The following AKAP13 variants were observed in gnomAD, a reference collection of about 807,000 sequenced individuals.
The protein encoded by AKAP13 is A-kinase anchoring protein 13, also known as A-kinase anchor protein 13.
A neutral mutation model predicts 264.5 loss-of-function variants in AKAP13; 80 were observed. The ratio of observed to expected loss-of-function variants is 0.30; its 90% confidence interval spans 0.25 to 0.36. The LOEUF (loss-of-function observed/expected upper bound fraction) is 0.36. AKAP13 is among the 10% of genes least tolerant of loss of function. AKAP13 has a pLI of 1.00. For synonymous variants in AKAP13, 1,380 were observed against 1,250.2 expected, an observed-to-expected ratio of 1.10 and a Z score of -2.19; for missense variants, 3,712 against 3,435.2, an observed-to-expected ratio of 1.08 and a Z score of -2.01.
rs1424706662 is a variant in AKAP13 at position 85,726,419 on chromosome 15, C to G, written c.6755C>G (p.Ala2252Gly). Residue 2252 changes from alanine to glycine, a missense_variant, in exon 27 of 37, where the codon GCA becomes GGA. By Grantham distance (60) the Ala-to-Gly change is moderately conservative. Transcript: ENST00000394518. The stretch of plus-strand genomic sequence containing the variant: ...CATTTCCATTTTCCAGAGGTTCAAG[C>G]AGTTCTTCTCACTGACATTTTAGTT... ...NAAGRLKEVQ[A>G]VLLTDILVFL... The G allele has an allele frequency of 1.9e-6, 3 of 1,613,276 alleles. No individual in the cohort carries two copies. The highest frequency in any genetic ancestry group is 2.5e-6 in the Non-Finnish European group (3 of 1,179,472).
At position 85,497,080 on chromosome 15, in the gene AKAP13, G is replaced by A. The variant is rs79776764; in HGVS notation, c.33+11327G>A. ...TTACAGGATACTTTTTCAATAACTG[G>A]GTGTTTGCCAAGCTATCACATAACA... is the stretch of plus-strand genomic sequence containing the variant. On this transcript the variant is annotated intron_variant, in intron 2 of 36. Transcript: ENST00000394518. 7.6e-3 allele frequency among the ~76,000 whole-genome samples: 1,159 copies of A among 152,206 alleles called. 23 individuals are homozygous for A. The highest frequency in any genetic ancestry group is 0.027 in the African/African-American group (1,102 of 41,512).
intron 1 of AKAP13, among the ~76,000 whole-genome samples, chr15:85,457,359 C>T (rs982046274): frequency 1.4e-4 from 21 of 152,158 alleles, no homozygotes; most frequent in African/African-American, 2.4e-5. Context: ...AAGGAAAACA[C>T]CATCTCGGCT....
chr15:85,710,336 A>G, intron 18 of AKAP13: 1 of 390,578 alleles, frequency 2.6e-6, no homozygotes, highest in East Asian at 4.2e-5. Context: ...AAAGGGGAAG[A>G]ATGCCATGCT....
intron 1 of AKAP13, among the ~76,000 whole-genome samples, chr15:85,431,866 T>C (rs1192440091): frequency 6.6e-6 from 1 of 152,222 alleles, no homozygotes; most frequent in East Asian, 1.9e-4. Context: ...AAGATAGAGT[T>C]GTGTGCTTAC....
chr15:85,395,834 C>G (rs1376451413), intron 1 of AKAP13, among the ~76,000 whole-genome samples: 4 of 151,990 alleles, frequency 2.6e-5, no homozygotes, highest in Non-Finnish European at 5.9e-5. Context: ...GTCAGATTGC[C>G]CACTGAATAG....
At chr15:85,611,092 T>G (rs1361617588) in intron 8 of AKAP13, among the ~76,000 whole-genome samples, 1 of 152,188 alleles carries the variant, frequency 6.6e-6, no homozygotes, top group Non-Finnish European at 1.5e-5. Context: ...CCAAGATCTA[T>G]GAAATATTTG....
At chr15:85,494,636 G>C (rs1430138952) in intron 2 of AKAP13, among the ~76,000 whole-genome samples, 1 of 152,138 alleles carries the variant, frequency 6.6e-6, no homozygotes, top group Non-Finnish European at 1.5e-5. Flanking sequence ...AGGAGTGGTT[G>C]AGCCCAGTCT....
At chr15:85,533,369 TG>T (rs2151190614) in intron 3 of AKAP13, among the ~76,000 whole-genome samples, 1 of 152,314 alleles carries the variant, frequency 6.6e-6, no homozygotes, top group Non-Finnish European at 1.5e-5. Flanking sequence ...TTTTGTTTTT[TG>T]TTAAGGGAAT....
chr15:85,691,454 C>T (rs776727689), intron 16 of AKAP13, among the ~76,000 whole-genome samples: 1 of 152,174 alleles, frequency 6.6e-6, no homozygotes, highest in Non-Finnish European at 1.5e-5. Flanking sequence ...ATCAGTAGTT[C>T]TTCAAGTTTT....
intron 2 of AKAP13, 142 bp from the exon 3 acceptor site, chr15:85,521,286 T>A: frequency 1.0e-6 from 1 of 973,554 alleles, no homozygotes. Flanking sequence ...GTGCTCAATC[T>A]TTATACTTGT....
At chr15:85,578,813 G>A (rs2079101199) in intron 6 of AKAP13, 117 bp from the exon 7 acceptor site, 1 of 890,880 alleles carries the variant, frequency 1.1e-6, no homozygotes, top group Non-Finnish European at 1.7e-6. Flanking sequence ...CTTATCATGT[G>A]ACCTTAGAAG....
intron 1 of AKAP13, among the ~76,000 whole-genome samples, chr15:85,450,896 G>A (rs892173902): frequency 1.3e-5 from 2 of 152,126 alleles, no homozygotes; most frequent in African/African-American, 4.8e-5. Flanking sequence ...CTAAGTTTAG[G>A]TCCTGAATAT....
intron 8 of AKAP13, among the ~76,000 whole-genome samples, chr15:85,628,524 C>T (rs77182755): frequency 1.7e-4 from 26 of 152,152 alleles, no homozygotes; most frequent in Non-Finnish European, 3.4e-4. Flanking sequence ...AGAACCTGCC[C>T]GAAAGTGTGC....
At chr15:85,393,170 A>T (rs1021816273) in intron 1 of AKAP13, among the ~76,000 whole-genome samples, 1 of 152,220 alleles carries the variant, frequency 6.6e-6, no homozygotes, top group Non-Finnish European at 1.5e-5. Flanking sequence ...TTTACCTTTA[A>T]CAAGCTGGAA....
rs2089320527 is a variant in AKAP13, at chr15:85,744,815, C to T, written c.*138C>T. The T allele has an allele frequency of 2.8e-6, 2 of 713,776 alleles. No homozygotes were observed. Among genetic ancestry groups the T allele is most frequent in the East Asian group, 5.6e-5 (2 of 35,732 alleles). The allele number at this position is 713,776 out of a possible 1,614,324, so 44.2% of individuals were successfully genotyped here. A position where few individuals can be genotyped will look rare whatever the true frequency, so the allele number is the denominator to read the frequency against. On this transcript the variant is annotated 3_prime_UTR_variant, in exon 37 of 37. Coordinates refer to ENST00000394518, the MANE Select transcript of AKAP13 (RefSeq NM_007200.5). Reference sequence around the variant, plus strand: ...CAGTCCTCCTGGGCGGCCCCAGGTCCTGGACAATAAGCAACAGATGATATT... The same window carrying T: ...CAGTCCTCCTGGGCGGCCCCAGGTCTTGGACAATAAGCAACAGATGATATT...
chr15:85,390,641 G>A (rs926601747), intron 1 of AKAP13, among the ~76,000 whole-genome samples: 23 of 152,228 alleles, frequency 1.5e-4, no homozygotes, highest in Admixed American at 1.3e-4. Flanking sequence ...GGAGAGACTA[G>A]TTAAGAGATT....
At chr15:85,692,833 G>T (rs1401901045) in intron 16 of AKAP13, among the ~76,000 whole-genome samples, 2 of 152,146 alleles carry the variant, frequency 1.3e-5, no homozygotes, top group Non-Finnish European at 2.9e-5. Flanking sequence ...TGCCACCCAG[G>T]CATCTTTTTT....
chr15:85,695,041 C>G (rs1329607751), intron 17 of AKAP13, among the ~76,000 whole-genome samples: 1 of 151,926 alleles, frequency 6.6e-6, no homozygotes, highest in Non-Finnish European at 1.5e-5. Flanking sequence ...GATCTTCTGG[C>G]TCAGCCAGCC....
intron 14 of AKAP13, 95 bp from the exon 15 acceptor site, chr15:85,682,063 T>TGAAAG: frequency 1.7e-6 from 2 of 1,180,666 alleles, no homozygotes; most frequent in Non-Finnish European, 2.5e-6. Flanking sequence ...CACGCTGTTT[T>TGAAAG]TGCTTTAGCT....
Sources: allele counts gnomAD v4.1 joint callset (sites outside exome capture counted in the v4.1 genomes callset), GRCh38; gene constraint gnomAD v4.1.1; transcripts MANE v1.5; gene names NCBI Gene and HGNC (gene_info 2026-07-23, HGNC 2026-07-21).